PRKCE: variants seen among roughly 807,000 people sequenced by gnomAD.
PRKCE encodes protein kinase C epsilon type.
Under a neutral mutation model 85.4 loss-of-function variants are expected in PRKCE, and 16 were observed. That is an observed-to-expected ratio of 0.19 (90% CI 0.13 to 0.28). The LOEUF (loss-of-function observed/expected upper bound fraction) is 0.28, where lower values mean the gene tolerates loss of function less well. PRKCE is among the 10% of genes least tolerant of loss of function. The pLI, the probability that PRKCE is intolerant of heterozygous loss-of-function variation, is 1.00. For synonymous variants in PRKCE, 388 were observed against 371.5 expected, an observed-to-expected ratio of 1.04 and a Z score of -0.51; for missense variants, 573 against 975.2, an observed-to-expected ratio of 0.59 and a Z score of 5.49.
intron 1 of PRKCE, among the ~76,000 whole-genome samples, chr2:45,751,748 A>G (rs1683576965): frequency 6.6e-6 from 1 of 151,790 alleles, no homozygotes; most frequent in Non-Finnish European, 1.5e-5. Flanking sequence ...AAATAAAATG[A>G]AAATTTCCCA....
chr2:46,051,299 C>T (rs1188572243), intron 10 of PRKCE, among the ~76,000 whole-genome samples: 1 of 152,150 alleles, frequency 6.6e-6, no homozygotes, highest in Non-Finnish European at 1.5e-5. Context: ...TTTCTGGTGG[C>T]AAGAAGCTGT....
intron 10 of PRKCE, among the ~76,000 whole-genome samples, chr2:46,025,744 A>G (rs1707058097): frequency 6.6e-6 from 1 of 152,202 alleles, no homozygotes; most frequent in Admixed American, 6.5e-5. Context: ...ATCTGATTCA[A>G]GGAAATTGGC....
intron 2 of PRKCE, among the ~76,000 whole-genome samples, chr2:45,844,657 C>CT: frequency 6.6e-6 from 1 of 152,316 alleles, no homozygotes; most frequent in African/African-American, 2.4e-5. Flanking sequence ...AATCAATCCC[C>CT]TTTTTTCCTT....
intron 2 of PRKCE, among the ~76,000 whole-genome samples, chr2:45,929,831 G>C (rs1698903149): frequency 6.6e-6 from 1 of 151,140 alleles, no homozygotes; most frequent in Non-Finnish European, 1.5e-5. Context: ...CCCTTTTAGT[G>C]CCATATTGTG....
Position 45,901,288 on chromosome 2 carries a change from C to A in PRKCE, c.412+58225C>A, listed in dbSNP as rs554470861. 9.9e-5 allele frequency among the ~76,000 whole-genome samples: 15 copies of A among 152,244 alleles called. No individual in the cohort carries two copies. The South Asian group carries it at 1.7e-3, about 17-fold the overall frequency. Reference sequence around the variant, plus strand: ...GCTTGAGGATTGAGATGGGGACAAGCAAGGCATTAGTGTTTCAGAATGTTA... The same window carrying A: ...GCTTGAGGATTGAGATGGGGACAAGAAAGGCATTAGTGTTTCAGAATGTTA... On this transcript the variant is annotated intron_variant, in intron 2 of 14. Coordinates refer to ENST00000306156, the MANE Select transcript of PRKCE (RefSeq NM_005400.3).
chr2:46,097,415 G>T (rs1298991196), intron 11 of PRKCE, among the ~76,000 whole-genome samples: 1 of 151,976 alleles, frequency 6.6e-6, no homozygotes, highest in African/African-American at 2.4e-5. Flanking sequence ...AGCTACTCGG[G>T]AGGCTGAGGC....
At chr2:45,814,336 C>T (rs1688866444) in intron 1 of PRKCE, among the ~76,000 whole-genome samples, 1 of 152,194 alleles carries the variant, frequency 6.6e-6, no homozygotes, top group Non-Finnish European at 1.5e-5. Context: ...TGCCCCGATA[C>T]CCTTGCCTCG....
At chr2:46,148,285 G>T (rs942142868) in intron 12 of PRKCE, among the ~76,000 whole-genome samples, 5 of 152,244 alleles carry the variant, frequency 3.3e-5, no homozygotes, top group African/African-American at 9.6e-5. Context: ...CCGTGACATG[G>T]AAGCCTTGCC....
chr2:45,759,654 G>C (rs368228023), intron 1 of PRKCE, among the ~76,000 whole-genome samples: 1 of 152,208 alleles, frequency 6.6e-6, no homozygotes, highest in Non-Finnish European at 1.5e-5. Flanking sequence ...TTTGATGTAA[G>C]TATAGAAGTG....
intron 10 of PRKCE, among the ~76,000 whole-genome samples, chr2:46,080,551 G>A (rs1208755566): frequency 1.3e-5 from 2 of 152,136 alleles, no homozygotes; most frequent in African/African-American, 4.8e-5. Context: ...GGCATTTGAC[G>A]CAGACATAAT....
intron 9 of PRKCE, among the ~76,000 whole-genome samples, chr2:46,008,381 C>T (rs1173151613): frequency 6.6e-6 from 1 of 152,162 alleles, no homozygotes. Context: ...AACTCCTGTT[C>T]ATTTAGAAAG....
chr2:45,830,727 G>A lies in PRKCE; in HGVS notation c.349-12273G>A, dbSNP rs182148749. Among the ~76,000 whole-genome samples, 567 of 152,220 alleles carry A rather than the reference G, an allele frequency of 3.7e-3. 18 individuals are homozygous for A. The highest frequency in any genetic ancestry group is 0.033 in the Admixed American group (503 of 15,290). On this transcript the variant is annotated intron_variant, in intron 1 of 14. Coordinates refer to ENST00000306156, the MANE Select transcript of PRKCE (RefSeq NM_005400.3). ...AAAACTTCCACAAAGTGAAAACAAC[G>A]TCACCTATTAAACAACAGTAATCTG...
chr2:46,162,812 A>G (rs1057345239), intron 14 of PRKCE, among the ~76,000 whole-genome samples: 9 of 152,098 alleles, frequency 5.9e-5, no homozygotes, highest in Admixed American at 2.0e-4. Context: ...AAAATTGGGG[A>G]AAAAAAATAA....
chr2:45,780,452 T>C (rs1313084782), intron 1 of PRKCE, among the ~76,000 whole-genome samples: 1 of 152,212 alleles, frequency 6.6e-6, no homozygotes, highest in Non-Finnish European at 1.5e-5. Context: ...TTCTAGGTGC[T>C]TGAGCAGAAT....
intron 1 of PRKCE, among the ~76,000 whole-genome samples, chr2:45,726,216 CA>C (rs1681060165): frequency 6.6e-6 from 1 of 152,206 alleles, no homozygotes; most frequent in Admixed American, 6.5e-5. Context: ...GATAAAGCAG[CA>C]GCAAGGTTTG....
intron 5 of PRKCE, among the ~76,000 whole-genome samples, chr2:45,982,592 C>T (rs940937881): frequency 6.6e-6 from 1 of 152,108 alleles, no homozygotes; most frequent in Non-Finnish European, 1.5e-5. Flanking sequence ...CATTGTCTTC[C>T]TCTCCATGTT....
chr2:45,949,113 A>G (rs1700437708), intron 2 of PRKCE, among the ~76,000 whole-genome samples: 1 of 152,242 alleles, frequency 6.6e-6, no homozygotes, highest in African/African-American at 2.4e-5. Context: ...TCTCTAAGAT[A>G]TATACATGTA....
chr2:45,705,591 T>A (rs1052952399), intron 1 of PRKCE, among the ~76,000 whole-genome samples: 3 of 152,216 alleles, frequency 2.0e-5, no homozygotes, highest in African/African-American at 7.2e-5. Context: ...GTCTGTTTTT[T>A]TCCACTGTCA....
At chr2:45,925,223 C>G (rs1404672464) in intron 2 of PRKCE, among the ~76,000 whole-genome samples, 1 of 152,102 alleles carries the variant, frequency 6.6e-6, no homozygotes, top group African/African-American at 2.4e-5. Context: ...CCTTTCCTTT[C>G]CTAAAGGCCC....
Sources: gnomAD v4.1 joint callset for allele counts (sites outside exome capture counted in the v4.1 genomes callset) on GRCh38, gnomAD v4.1.1 for gene constraint, MANE v1.5 for transcripts, NCBI Gene and HGNC (gene_info 2026-07-23, HGNC 2026-07-21) for gene names.